STIM2: variants seen among roughly 807,000 people sequenced by gnomAD.
STIM2 encodes the protein stromal interaction molecule 2.
STIM2 carries 31 observed loss-of-function variants against 85.8 expected under a neutral mutation model. The ratio of observed to expected loss-of-function variants is 0.36; its 90% CI spans 0.27 to 0.49. The LOEUF (loss-of-function observed/expected upper bound fraction) is 0.49, where lower values mean the gene tolerates loss of function less well. Ranked by LOEUF, STIM2 falls within the 20% of genes least tolerant of loss-of-function variation. The pLI is 0.98. For missense variants in STIM2, 841 were observed against 927.6 expected (o/e 0.91, Z 1.21); for synonymous variants, 356 against 331.1 (o/e 1.08, Z -0.82).
intron 3 of STIM2, among the ~76,000 whole-genome samples, chr4:26,971,217 TC>T (rs550099084): frequency 9.8e-5 from 15 of 152,352 alleles, no homozygotes; most frequent in African/African-American, 3.6e-4. Context: ...GATGGTAGTT[TC>T]TTTTGCCCTG....
chr4:26,992,317 G>T (rs74692529), intron 3 of STIM2, among the ~76,000 whole-genome samples: 3 of 152,088 alleles, frequency 2.0e-5, no homozygotes, highest in African/African-American at 7.2e-5. Flanking sequence ...AGAGTGATGA[G>T]CAGAAGACTT....
intron 1 of STIM2, chr4:26,873,567 G>A: frequency 2.3e-6 from 1 of 432,978 alleles, no homozygotes; most frequent in South Asian, 2.1e-5. Flanking sequence ...AAGCTCATGG[G>A]GAAGCACAGA....
At chr4:26,902,014 G>C (rs1723941847) in intron 1 of STIM2, among the ~76,000 whole-genome samples, 1 of 152,200 alleles carries the variant, frequency 6.6e-6, no homozygotes, top group African/African-American at 2.4e-5. Flanking sequence ...AGGGATCACA[G>C]TGTGCCTGTA....
intron 2 of STIM2, among the ~76,000 whole-genome samples, chr4:26,949,369 C>T (rs1194228686): frequency 6.6e-6 from 1 of 152,136 alleles, no homozygotes; most frequent in East Asian, 1.9e-4. Context: ...TTTTATCTCA[C>T]AGTCCTCTAT....
rs139778845 is a variant in STIM2 at position 26,869,273 on chromosome 4, T to C, written c.151+7904T>C. The stretch of plus-strand genomic sequence containing the variant: ...CTGATCAGGCCACTGCACTCTGGCC[T>C]GGACGGCGGAGTGAGACCCTGTCTC... On this transcript the variant is annotated intron_variant, in intron 1 of 11. Transcript: ENST00000467087. 2.8e-3 allele frequency among the ~76,000 whole-genome samples: 372 copies of C among 131,630 alleles called. 2 individuals carry two copies. The highest frequency in any genetic ancestry group is 0.01 in the African/African-American group (345 of 33,526). 86.4% of individuals were successfully genotyped at this position (131,630 alleles called of 152,430 possible).
chr4:27,019,968 T>G (rs1728858794), intron 11 of STIM2, among the ~76,000 whole-genome samples: 1 of 152,220 alleles, frequency 6.6e-6, no homozygotes, highest in Non-Finnish European at 1.5e-5. Context: ...TTATTGTCAT[T>G]ACGCAATTCA....
Position 26,870,490 on chromosome 4 carries a change from A to C in STIM2, c.151+9121A>C, listed in dbSNP as rs530888103. Among the ~76,000 whole-genome samples the C allele has an allele frequency of 2.6e-5, 4 of 152,330 alleles. No individual in the cohort carries two copies. The East Asian group carries it at 7.7e-4, about 29-fold the overall frequency. On this transcript the variant is annotated intron_variant, in intron 1 of 11. Transcript: ENST00000467087. ...TATTTAATGGAAGTTTTTGTTATACATTTGCAGTATTAAAAAATAAGTCTC... is the reference window on the plus strand; with the variant it reads ...TATTTAATGGAAGTTTTTGTTATACCTTTGCAGTATTAAAAAATAAGTCTC...
At chr4:26,874,309 C>T (rs1436874360) in intron 1 of STIM2, 4 of 367,294 alleles carry the variant, frequency 1.1e-5, no homozygotes, top group Admixed American at 3.8e-5. Context: ...GAGAGATCTC[C>T]GGCGCACAGA....
chr4:26,970,124 G>A (rs1726879049), intron 3 of STIM2, among the ~76,000 whole-genome samples: 1 of 149,598 alleles, frequency 6.7e-6, no homozygotes, highest in Non-Finnish European at 1.5e-5. Flanking sequence ...CTGACTTACT[G>A]GAGTGTAGTT....
At chr4:27,002,460 G>T (rs1357451793) in intron 6 of STIM2, 66 bp downstream of exon 6, 10 of 1,290,294 alleles carry the variant, frequency 7.8e-6, no homozygotes, top group Non-Finnish European at 7.5e-6. Context: ...AGTGATATGG[G>T]CATGTGCTTA....
Position 27,022,925 on chromosome 4 carries a change from C to T in STIM2, c.2170C>T (p.Leu724Phe), listed in dbSNP as rs756653388. 2 of 1,614,018 alleles carry T rather than the reference C, an allele frequency of 1.2e-6. No homozygotes were observed. The highest frequency in any genetic ancestry group is 2.2e-5 in the South Asian group (2 of 91,082). ...CAGAATAAGCAGCATCCCACATGAC[C>T]TTTGTCATAATGGAGAGAAAAGCAA... The change falls in exon 12 of 12, where the codon CTT (leucine) becomes TTT (phenylalanine). Residue 724 changes from leucine (L) to phenylalanine (F), a missense_variant. Transcript: ENST00000467087.
At chr4:26,905,540 A>G (rs760497100) in intron 1 of STIM2, among the ~76,000 whole-genome samples, 2 of 152,194 alleles carry the variant, frequency 1.3e-5, no homozygotes, top group Non-Finnish European at 2.9e-5. Context: ...TAATCAAGAA[A>G]GAGTGTTTGA....
chr4:26,929,679 A>G (rs953053908), intron 2 of STIM2, among the ~76,000 whole-genome samples: 5 of 151,924 alleles, frequency 3.3e-5, no homozygotes, highest in African/African-American at 1.2e-4. Flanking sequence ...CATATGAAAA[A>G]TTCTTTATTT....
intron 1 of STIM2, among the ~76,000 whole-genome samples, chr4:26,907,928 T>C (rs1255510700): frequency 6.6e-6 from 1 of 152,226 alleles, no homozygotes; most frequent in East Asian, 1.9e-4. Context: ...TCCCTTATGA[T>C]TGTAGCATAG....
intron 3 of STIM2, among the ~76,000 whole-genome samples, chr4:26,985,430 G>T (rs1418155811): frequency 6.6e-6 from 1 of 151,992 alleles, no homozygotes; most frequent in Non-Finnish European, 1.5e-5. Flanking sequence ...AGTCAATACT[G>T]GTGTACACCT....
At chr4:26,889,876 C>A (rs1723400750) in intron 1 of STIM2, among the ~76,000 whole-genome samples, 1 of 152,192 alleles carries the variant, frequency 6.6e-6, no homozygotes, top group African/African-American at 2.4e-5. Context: ...GACACAGATT[C>A]CTTCACATTT....
intron 1 of STIM2, among the ~76,000 whole-genome samples, chr4:26,869,625 CTCAA>C (rs1722537335): frequency 6.6e-6 from 1 of 152,034 alleles, no homozygotes; most frequent in African/African-American, 2.4e-5. Flanking sequence ...AACTCCTGGA[CTCAA>C]TCAATCTTCC....
Position 27,024,839 on chromosome 4 carries a change from C to A in STIM2, c.*1843C>A, listed in dbSNP as rs1172385797. 1.3e-5 allele frequency: 2 copies of A among 152,128 alleles called. No individual in the cohort carries two copies. Among genetic ancestry groups the A allele is most frequent in the Non-Finnish European group, 2.9e-5 (2 of 68,030 alleles). The allele number at this position is 152,128 out of a possible 1,614,324, so 9.4% of individuals were successfully genotyped here. A position where few individuals can be genotyped will look rare whatever the true frequency, so the allele number is the denominator to read the frequency against. On this transcript the variant is annotated 3_prime_UTR_variant, in exon 12 of 12. Coordinates refer to ENST00000467087, the MANE Select transcript of STIM2 (RefSeq NM_020860.4). ...AAGGGAAAACTTTATCCTTCTATTT[C>A]TTATAACCAGACAGGAGGAGTTCTT...
chr4:26,879,630 A>G (rs191320852), intron 1 of STIM2, among the ~76,000 whole-genome samples: 80 of 152,314 alleles, frequency 5.3e-4, no homozygotes, highest in African/African-American at 1.9e-3. Flanking sequence ...CCGAAGGACT[A>G]TGTAAGTATC....
Sources: gnomAD v4.1 joint callset for allele counts (sites outside exome capture counted in the v4.1 genomes callset) on GRCh38, gnomAD v4.1.1 for gene constraint, MANE v1.5 for transcripts, NCBI Gene and HGNC (gene_info 2026-07-23, HGNC 2026-07-21) for gene names.